Variants in SUPT3H observed in about 807,000 individuals in gnomAD.
SUPT3H encodes the protein transcription initiation protein SPT3 homolog.
SUPT3H carries 44 observed loss-of-function variants against 44.3 expected under a neutral mutation model. The ratio of observed to expected loss-of-function variants is 0.99; its 90% confidence interval spans 0.78 to 1.28. The LOEUF (loss-of-function observed/expected upper bound fraction) is 1.28, where lower values mean the gene tolerates loss of function less well. Among genes scored for constraint, SUPT3H ranks in the 50% most tolerant of loss-of-function variants. SUPT3H has a pLI of 0.00. For synonymous variants in SUPT3H, 124 were observed against 125.6 expected, an observed-to-expected ratio of 0.99 and a Z score of 0.09; for missense variants, 380 against 387.1, an observed-to-expected ratio of 0.98 and a Z score of 0.15.
chr6:45,156,478 C>T (rs1011707223), intron 2 of SUPT3H, among the ~76,000 whole-genome samples: 2 of 152,034 alleles, frequency 1.3e-5, no homozygotes, highest in African/African-American at 4.8e-5. Context: ...CAATGACTAA[C>T]ATAAATTTCA....
At chr6:44,867,361 G>A (rs1458267292) in intron 10 of SUPT3H, among the ~76,000 whole-genome samples, 1 of 151,870 alleles carries the variant, frequency 6.6e-6, no homozygotes, top group Non-Finnish European at 1.5e-5. Context: ...GGCTGGTTTC[G>A]AACTCCTGAC....
intron 3 of SUPT3H, among the ~76,000 whole-genome samples, chr6:45,032,377 T>C (rs548304368): frequency 6.6e-6 from 1 of 152,258 alleles, no homozygotes; most frequent in African/African-American, 2.4e-5. Flanking sequence ...TTGTAAAGAT[T>C]AAATGAAATA....
chr6:45,340,532 C>T (rs1789559833), intron 2 of SUPT3H, among the ~76,000 whole-genome samples: 1 of 152,000 alleles, frequency 6.6e-6, no homozygotes, highest in Non-Finnish European at 1.5e-5. Context: ...CCATGTTGCC[C>T]AGGCTGGTCT....
chr6:45,345,791 T>C lies in SUPT3H; in HGVS notation c.101+19410A>G, dbSNP rs139364399. The stretch of plus-strand genomic sequence containing the variant: ...TCAAACATTTTTCAAAGGTTTCCAA[T>C]TGTCTTTGAAAAAGACTTAACTCCT... On this transcript the variant is annotated intron_variant, in intron 2 of 10. Coordinates refer to ENST00000371459, the MANE Select transcript of SUPT3H (RefSeq NM_003599.4). Among the ~76,000 whole-genome samples the C allele has an allele frequency of 1.7e-3, 266 of 152,334 alleles. 1 individual carries two copies. Among genetic ancestry groups the C allele is most frequent in the South Asian group, 0.014 (68 of 4,828 alleles).
At chr6:45,024,029 A>G (rs1349327590) in intron 3 of SUPT3H, among the ~76,000 whole-genome samples, 1 of 152,208 alleles carries the variant, frequency 6.6e-6, no homozygotes, top group African/African-American at 2.4e-5. Flanking sequence ...CTGGGAAACC[A>G]ATATCAAAAA....
At chr6:45,288,547 G>GTGTGTGTGTATA (rs1451616957) in intron 2 of SUPT3H, among the ~76,000 whole-genome samples, 1 of 126,752 alleles carries the variant, frequency 7.9e-6, no homozygotes, top group African/African-American at 3.0e-5. Context: ...GTGTGTGTGT[G>GTGTGTGTGTATA]TATATATATA....
chr6:44,968,115 T>A (rs1188061901), intron 6 of SUPT3H, among the ~76,000 whole-genome samples: 1 of 152,134 alleles, frequency 6.6e-6, no homozygotes, highest in East Asian at 1.9e-4. Context: ...TTAATCTTAT[T>A]CTGATTACTC....
intron 2 of SUPT3H, among the ~76,000 whole-genome samples, chr6:45,205,407 A>C (rs572368763): frequency 1.2e-4 from 19 of 152,202 alleles, no homozygotes; most frequent in Non-Finnish European, 2.6e-4. Context: ...ATGGCATACC[A>C]TTCCACAATT....
rs369533525 is a variant in SUPT3H at position 45,276,079 on chromosome 6, T to C, written c.101+89122A>G. 3.3e-5 allele frequency among the ~76,000 whole-genome samples: 5 copies of C among 152,026 alleles called. No individual in the cohort carries two copies. In the East Asian group the frequency reaches 5.8e-4, roughly 18 times the overall value. Reference sequence around the variant, plus strand: ...CCAGAAACAGCTTTTCATAAAACAATTCCAGTCGCAGAATTTATGCTAACA... The same window carrying C: ...CCAGAAACAGCTTTTCATAAAACAACTCCAGTCGCAGAATTTATGCTAACA... On this transcript the variant is annotated intron_variant, in intron 2 of 10. Coordinates refer to ENST00000371459, the MANE Select transcript of SUPT3H (RefSeq NM_003599.4).
intron 10 of SUPT3H, among the ~76,000 whole-genome samples, chr6:44,887,222 T>C (rs931637456): frequency 6.6e-6 from 1 of 151,980 alleles, no homozygotes; most frequent in East Asian, 1.9e-4. Flanking sequence ...GACAGAAAGT[T>C]AACAAGGATA....
chr6:45,128,593 T>C (rs531734778), intron 2 of SUPT3H, among the ~76,000 whole-genome samples: 15 of 135,264 alleles, frequency 1.1e-4, no homozygotes, highest in African/African-American at 4.2e-4. Flanking sequence ...CATACACATA[T>C]ATATATATAC....
chr6:45,168,186 T>C (rs1810213509), intron 2 of SUPT3H, among the ~76,000 whole-genome samples: 1 of 152,016 alleles, frequency 6.6e-6, no homozygotes, highest in Non-Finnish European at 1.5e-5. Context: ...TTTAGTTTGT[T>C]TGGAAAACTG....
intron 2 of SUPT3H, among the ~76,000 whole-genome samples, chr6:45,281,633 C>T (rs1224570443): frequency 6.6e-6 from 1 of 152,156 alleles, no homozygotes; most frequent in Non-Finnish European, 1.5e-5. Context: ...CTCAAGGAGG[C>T]CTGCCTGCCT....
At chr6:44,884,735 T>A (rs1241667282) in intron 10 of SUPT3H, among the ~76,000 whole-genome samples, 1 of 152,092 alleles carries the variant, frequency 6.6e-6, no homozygotes, top group African/African-American at 2.4e-5. Context: ...ACCGGGTTCA[T>A]CTCACTAGGG....
intron 10 of SUPT3H, among the ~76,000 whole-genome samples, chr6:44,833,258 T>TAAGA (rs2153411762): frequency 6.6e-6 from 1 of 152,272 alleles, no homozygotes; most frequent in South Asian, 2.1e-4. Flanking sequence ...CTCAAAGGCA[T>TAAGA]AAGAAAGAGG....
intron 2 of SUPT3H, among the ~76,000 whole-genome samples, chr6:45,264,512 T>C (rs1173159879): frequency 2.0e-5 from 3 of 152,086 alleles, no homozygotes; most frequent in Non-Finnish European, 4.4e-5. Flanking sequence ...GTACAAAAAT[T>C]AGCCAGGCAT....
At chr6:45,199,854 ATTAG>A (rs889231411) in intron 2 of SUPT3H, among the ~76,000 whole-genome samples, 1 of 151,476 alleles carries the variant, frequency 6.6e-6, no homozygotes, top group African/African-American at 2.4e-5. Flanking sequence ...TTTTTCAAAG[ATTAG>A]TTAAACATTA....
chr6:44,996,288 T>A (rs1781261491), intron 6 of SUPT3H, among the ~76,000 whole-genome samples: 1 of 151,888 alleles, frequency 6.6e-6, no homozygotes, highest in Non-Finnish European at 1.5e-5. Flanking sequence ...AAGTAGATAC[T>A]TTATATATTT....
chr6:45,245,763 T>C (rs977379545), intron 2 of SUPT3H, among the ~76,000 whole-genome samples: 10 of 152,180 alleles, frequency 6.6e-5, no homozygotes, highest in African/African-American at 2.2e-4. Context: ...CCAATATCCA[T>C]TTGATACTCT....
Sources: allele counts gnomAD v4.1 joint callset (sites outside exome capture counted in the v4.1 genomes callset), GRCh38; gene constraint gnomAD v4.1.1; transcripts MANE v1.5; gene names NCBI Gene and HGNC (gene_info 2026-07-23, HGNC 2026-07-21).